NTN1: variants seen among roughly 807,000 people sequenced by gnomAD.
NTN1 encodes netrin-1.
NTN1 carries 11 observed loss-of-function variants against 54.2 expected under a neutral mutation model. The observed-to-expected ratio is 0.20, with a 90% CI of 0.13 to 0.34. NTN1 has a LOEUF of 0.34. Ranked by LOEUF, NTN1 falls within the 10% of genes least tolerant of loss-of-function variation. NTN1 has a pLI of 1.00. For synonymous variants in NTN1, 371 were observed against 382.0 expected, an observed-to-expected ratio of 0.97 and a Z score of 0.33; for missense variants, 740 against 893.1, an observed-to-expected ratio of 0.83 and a Z score of 2.18.
chr17:9,152,436 CTGA>C (rs1170550782), intron 2 of NTN1, among the ~76,000 whole-genome samples: 4 of 152,228 alleles, frequency 2.6e-5, no homozygotes, highest in Non-Finnish European at 5.9e-5. Context: ...CCACGCCCCT[CTGA>C]TGGTTCCCCT....
intron 2 of NTN1, among the ~76,000 whole-genome samples, chr17:9,112,718 G>C (rs915675099): frequency 6.6e-6 from 1 of 151,458 alleles, no homozygotes; most frequent in Non-Finnish European, 1.5e-5. Flanking sequence ...CCAGCTACTC[G>C]GGAGGCTGAG....
the NTN1 span, among the ~76,000 whole-genome samples, chr17:9,014,457 G>A: frequency 3.0e-4 from 46 of 152,028 alleles, no homozygotes; most frequent in African/African-American, 1.0e-3. Context: ...TTTTAAAATC[G>A]CCGACCAACC....
chr17:9,073,134 G>C (rs1490357567), intron 2 of NTN1, among the ~76,000 whole-genome samples: 1 of 152,218 alleles, frequency 6.6e-6, no homozygotes, highest in African/African-American at 2.4e-5. Flanking sequence ...TTTGCACAGC[G>C]GAGGCCCGGC....
At chr17:9,030,612 G>A (rs1194887751) in intron 2 of NTN1, among the ~76,000 whole-genome samples, 2 of 152,140 alleles carry the variant, frequency 1.3e-5, no homozygotes, top group African/African-American at 2.4e-5. Context: ...AGGCGTGGTG[G>A]CACGTGCCTG....
upstream of NTN1, among the ~76,000 whole-genome samples, chr17:9,020,888 G>A (rs1160843730): frequency 6.6e-6 from 1 of 152,226 alleles, no homozygotes; most frequent in Admixed American, 6.5e-5. Context: ...CACGCACGGT[G>A]ATATCCGTGG....
chr17:9,060,715 TGCCTGTAATCCCAG>T (rs1397581517), intron 2 of NTN1, among the ~76,000 whole-genome samples: 1 of 152,126 alleles, frequency 6.6e-6, no homozygotes, highest in African/African-American at 2.4e-5. Context: ...CAGTGGCTCA[TGCCTGTAATCCCAG>T]CACTTTGGGA....
At chr17:9,203,143 G>A (rs888452191) in intron 5 of NTN1, among the ~76,000 whole-genome samples, 19 of 152,082 alleles carry the variant, frequency 1.2e-4, no homozygotes, top group African/African-American at 2.9e-4. Context: ...GGATGATCTC[G>A]ATCTCCTGAC....
chr17:9,209,556 C>T (rs973177068), intron 5 of NTN1, among the ~76,000 whole-genome samples: 2 of 152,142 alleles, frequency 1.3e-5, no homozygotes, highest in Non-Finnish European at 2.9e-5. Context: ...CCTGCCTCTG[C>T]CCCTGTTGGT....
intron 2 of NTN1, among the ~76,000 whole-genome samples, chr17:9,117,050 G>A (rs1017809240): frequency 3.9e-5 from 6 of 152,208 alleles, no homozygotes; most frequent in African/African-American, 1.4e-4. Context: ...CACTGGGCGG[G>A]GAGAGGAGCC....
intron 2 of NTN1, among the ~76,000 whole-genome samples, chr17:9,112,453 T>G (rs1390427866): frequency 6.6e-5 from 10 of 152,328 alleles, no homozygotes; most frequent in African/African-American, 2.2e-4. Context: ...TTATTTCAGC[T>G]CTCATACTGT....
chr17:9,111,398 T>C (rs951332275), intron 2 of NTN1, among the ~76,000 whole-genome samples: 2 of 152,158 alleles, frequency 1.3e-5, no homozygotes, highest in Admixed American at 6.6e-5. Context: ...AGAGAATAGC[T>C]AGCCTAAAAG....
intron 4 of NTN1, among the ~76,000 whole-genome samples, chr17:9,182,361 C>T (rs1036905263): frequency 1.3e-5 from 2 of 152,256 alleles, no homozygotes; most frequent in African/African-American, 2.4e-5. Flanking sequence ...CTCTCAGTCC[C>T]ATTCTGCCCA....
rs377422957 is a variant in NTN1 at position 9,238,433 on chromosome 17, AGT to A, written c.1487-1205_1487-1204del. ...AGGGGAAGACAGTGCGGGGCAGGGG[AGT>A]GAGTGGATGGCTGTTTCTCTTGAAC... On this transcript the variant is annotated intron_variant, in intron 6 of 6. Transcript: ENST00000173229. 5.2e-3 allele frequency among the ~76,000 whole-genome samples: 789 copies of A among 152,112 alleles called. 6 individuals are homozygous for A. The highest frequency in any genetic ancestry group is 0.021 in the South Asian group (100 of 4,806).
At chr17:9,131,388 C>T (rs188315059) in intron 2 of NTN1, among the ~76,000 whole-genome samples, 1 of 152,230 alleles carries the variant, frequency 6.6e-6, no homozygotes, top group East Asian at 1.9e-4. Flanking sequence ...TTGTTCATTG[C>T]CACATCCCCT....
At chr17:9,189,793 G>T (rs1280866643) in intron 5 of NTN1, among the ~76,000 whole-genome samples, 2 of 152,250 alleles carry the variant, frequency 1.3e-5, no homozygotes, top group African/African-American at 2.4e-5. Flanking sequence ...CCAGTCAAAA[G>T]CCACTGCCTT....
At chr17:9,080,940 A>G (rs540913641) in intron 2 of NTN1, among the ~76,000 whole-genome samples, 1 of 152,292 alleles carries the variant, frequency 6.6e-6, no homozygotes, top group African/African-American at 2.4e-5. Flanking sequence ...TATTCTCTGT[A>G]ATATCCTTTA....
chr17:9,054,614 T>C (rs1296582333), intron 2 of NTN1, among the ~76,000 whole-genome samples: 1 of 152,182 alleles, frequency 6.6e-6, no homozygotes, highest in Non-Finnish European at 1.5e-5. Context: ...AGAGAAATCA[T>C]TCAGAACAAG....
At chr17:9,170,123 G>T (rs76928415) in intron 3 of NTN1, among the ~76,000 whole-genome samples, 1 of 152,252 alleles carries the variant, frequency 6.6e-6, no homozygotes, top group East Asian at 1.9e-4. Flanking sequence ...ATGGAACTTG[G>T]TGTTATTCAG....
chr17:9,171,132 A>G (rs72811963), intron 3 of NTN1: 25,437 of 152,224 alleles, frequency 0.17, 2,262 homozygotes, highest in East Asian at 0.39. Context: ...GGCAAAGGAA[A>G]GCATAGCTTC....
Sources: allele counts gnomAD v4.1 joint callset (sites outside exome capture counted in the v4.1 genomes callset), GRCh38; gene constraint gnomAD v4.1.1; transcripts MANE v1.5; gene names NCBI Gene and HGNC (gene_info 2026-07-23, HGNC 2026-07-21).